TGM3: variants seen among roughly 807,000 people sequenced by gnomAD.
The protein encoded by TGM3 is protein-glutamine gamma-glutamyltransferase E.
TGM3 carries 52 observed loss-of-function variants against 73.8 expected under a neutral mutation model. The ratio of observed to expected loss-of-function variants is 0.70; its 90% CI spans 0.56 to 0.89. The LOEUF is 0.89. Among genes scored for constraint, TGM3 ranks in the 40% least tolerant of loss-of-function variants. The pLI is 0.00. For missense variants in TGM3, 928 were observed against 909.9 expected, an observed-to-expected ratio of 1.02 and a Z score of -0.26; for synonymous variants, 372 against 354.9, an observed-to-expected ratio of 1.05 and a Z score of -0.54.
chr20:2,332,163 G>A lies in TGM3; in HGVS notation c.1495G>A (p.Val499Ile), dbSNP rs966974324. 6.2e-7 allele frequency: 1 copy of A among 1,614,184 alleles called. No individual in the cohort carries two copies. The highest frequency in any genetic ancestry group is 8.5e-7 in the Non-Finnish European group (1 of 1,180,004). The change falls in exon 10 of 13, where the codon GTC becomes ATC. Residue 499 changes from valine (V) to isoleucine (I), a missense_variant. Physicochemically the swap from Val to Ile is conservative, Grantham distance 29. Coordinates refer to ENST00000381458, the MANE Select transcript of TGM3 (RefSeq NM_003245.4). This position sits in a 1 kb window ranked among gnomAD's most constrained non-coding sequence, Gnocchi z 4.4. Reference protein sequence around the residue: ...VAGMLAVGKEVNLVLLLKNLS... With the variant: ...VAGMLAVGKEINLVLLLKNLS... The stretch of plus-strand genomic sequence containing the variant: ...TGGCATGCTGGCAGTAGGCAAAGAA[G>A]TCAACCTGGTCCTACTGCTCAAAAA...
chr20:2,333,650 C>T (rs2084332439), intron 10 of TGM3, among the ~76,000 whole-genome samples: 1 of 152,176 alleles, frequency 6.6e-6, no homozygotes, highest in Non-Finnish European at 1.5e-5. Flanking sequence ...CCCGCCTTGG[C>T]TTCCCAAAGT....
chr20:2,336,121 G>T (rs2084349730), intron 11 of TGM3, among the ~76,000 whole-genome samples: 1 of 152,230 alleles, frequency 6.6e-6, no homozygotes, highest in Non-Finnish European at 1.5e-5. Context: ...TTGCAGGTCT[G>T]TGGGAGGCCC....
chr20:2,331,005 CAAAAAA>C (rs59627856), intron 9 of TGM3, among the ~76,000 whole-genome samples: 17 of 65,500 alleles, frequency 2.6e-4, no homozygotes, highest in South Asian at 8.3e-4. Context: ...GACCCTGTCA[CAAAAAA>C]AAAAAAAAAA....
At chr20:2,324,607 T>C (rs1213710624) in intron 7 of TGM3, among the ~76,000 whole-genome samples, 1 of 152,224 alleles carries the variant, frequency 6.6e-6, no homozygotes, top group East Asian at 1.9e-4. Context: ...CATCCATGCA[T>C]GATTGAGGGT....
At chr20:2,299,457 C>T (rs551917892) in intron 1 of TGM3, among the ~76,000 whole-genome samples, 3 of 152,106 alleles carry the variant, frequency 2.0e-5, no homozygotes, top group Non-Finnish European at 4.4e-5. Context: ...GCAGGGCTGT[C>T]TCTGCAGATG....
intron 1 of TGM3, among the ~76,000 whole-genome samples, chr20:2,305,003 G>T (rs2084169794): frequency 6.6e-6 from 1 of 152,202 alleles, no homozygotes; most frequent in African/African-American, 2.4e-5. Context: ...GAAGCAGCCA[G>T]ATGGAAAAGA....
intron 4 of TGM3, among the ~76,000 whole-genome samples, chr20:2,312,170 C>A (rs571695138): frequency 6.6e-6 from 1 of 151,924 alleles, no homozygotes; most frequent in African/African-American, 2.4e-5. Context: ...GAGGCTGAGG[C>A]GGGTGGATCA....
intron 4 of TGM3, among the ~76,000 whole-genome samples, 199 bp from the exon 5 acceptor site, chr20:2,312,699 T>C (rs1449430468): frequency 6.6e-6 from 1 of 152,146 alleles, no homozygotes; most frequent in African/African-American, 2.4e-5. Context: ...ACACAGGGTC[T>C]TGTGTGTAGT....
chr20:2,304,104 G>A (rs1221025012), intron 1 of TGM3, among the ~76,000 whole-genome samples: 3 of 152,168 alleles, frequency 2.0e-5, no homozygotes, highest in Non-Finnish European at 2.9e-5. Flanking sequence ...CCTGAGGCTC[G>A]TAAATATACA....
Position 2,320,666 on chromosome 20 carries a change from G to A in TGM3, c.983+3181G>A, listed in dbSNP as rs77593051. 4.1e-4 allele frequency among the ~76,000 whole-genome samples: 62 copies of A among 152,212 alleles called. No individual in the cohort carries two copies. In the East Asian group the frequency reaches 0.011, roughly 27 times the overall value. ...GCCAATGGTTTGGCTTAAGAGTCAC[G>A]CAGTTCCGGAGTATTCACTCTCTTC... On this transcript the variant is annotated intron_variant, in intron 7 of 12. Transcript: ENST00000381458.
At chr20:2,326,867 T>C (rs1258176846) in intron 8 of TGM3, among the ~76,000 whole-genome samples, 2 of 151,652 alleles carry the variant, frequency 1.3e-5, no homozygotes, top group African/African-American at 2.4e-5. Context: ...AAATGTGATA[T>C]ATGAAGTAAT....
intron 9 of TGM3, among the ~76,000 whole-genome samples, chr20:2,331,633 G>A (rs978216718): frequency 1.3e-5 from 2 of 152,092 alleles, no homozygotes; most frequent in Non-Finnish European, 2.9e-5. Flanking sequence ...TTTCAGCTCA[G>A]TTCTTATGAT....
At chr20:2,302,060 T>C (rs944209661) in intron 1 of TGM3, among the ~76,000 whole-genome samples, 14 of 152,158 alleles carry the variant, frequency 9.2e-5, no homozygotes, top group Admixed American at 8.5e-4. Flanking sequence ...TAAAAATGCA[T>C]CTATGTCTAG....
At chr20:2,329,820 G>A (rs1483159971) in intron 9 of TGM3, among the ~76,000 whole-genome samples, 2 of 152,212 alleles carry the variant, frequency 1.3e-5, no homozygotes, top group Non-Finnish European at 2.9e-5. Flanking sequence ...AAAGTGCCAA[G>A]TGCAATGCCT....
chr20:2,326,156 A>C (rs1228009650), intron 8 of TGM3, among the ~76,000 whole-genome samples: 1 of 152,254 alleles, frequency 6.6e-6, no homozygotes, highest in Non-Finnish European at 1.5e-5. Context: ...CTGCACCCAC[A>C]ATGGCCACTG....
chr20:2,333,772 A>G (rs889456651), intron 10 of TGM3, among the ~76,000 whole-genome samples: 1 of 152,224 alleles, frequency 6.6e-6, no homozygotes, highest in Non-Finnish European at 1.5e-5. Context: ...GCAGAATGGA[A>G]TGGAAAAGAG....
intron 12 of TGM3, 87 bp from the exon 13 acceptor site, chr20:2,340,347 C>A: frequency 6.4e-7 from 1 of 1,553,898 alleles, no homozygotes; most frequent in Admixed American, 1.8e-5. Flanking sequence ...CAGCCTCCAT[C>A]AGAACAGGAC....
intron 7 of TGM3, among the ~76,000 whole-genome samples, chr20:2,319,004 G>T (rs2084249795): frequency 6.6e-6 from 1 of 152,136 alleles, no homozygotes; most frequent in Non-Finnish European, 1.5e-5. Context: ...GGGAGAGAAA[G>T]CTTATTTAAG....
At chr20:2,312,758 T>C in intron 4 of TGM3, 140 bp from the exon 5 acceptor site, 1 of 1,208,174 alleles carries the variant, frequency 8.3e-7, no homozygotes. Context: ...ATGGTGGCTG[T>C]CCTCAGTAGC....
Sources: allele counts gnomAD v4.1 joint callset (sites outside exome capture counted in the v4.1 genomes callset), GRCh38; gene constraint gnomAD v4.1.1; non-coding constraint Gnocchi (gnomAD v3.1); transcripts MANE v1.5; gene names NCBI Gene and HGNC (gene_info 2026-07-23, HGNC 2026-07-21).